ATP5MK: variants seen among roughly 807,000 people sequenced by gnomAD.
The protein encoded by ATP5MK is ATP synthase membrane subunit k, also known as ATP synthase F(0) complex subunit k, mitochondrial.
ATP5MK carries 5 observed loss-of-function variants against 6.6 expected under a neutral mutation model. The observed-to-expected ratio is 0.76, with a 90% CI of 0.40 to 1.60. The LOEUF (loss-of-function observed/expected upper bound fraction) is 1.60. Ranked by LOEUF, ATP5MK falls within the 40% of genes most tolerant of loss-of-function variation. ATP5MK has a pLI of 0.02. For missense variants in ATP5MK, 57 were observed against 66.6 expected (o/e 0.86, Z 0.50); for synonymous variants, 30 against 24.5 (o/e 1.22, Z -0.66).
chr10:103,392,134 G>GA (rs1592100464), intron 4 of ATP5MK, 57 bp downstream of exon 4: 2 of 1,476,704 alleles, frequency 1.4e-6, no homozygotes, highest in East Asian at 4.5e-5. Context: ...AAATGTTAGG[G>GA]AAAAATCCTA....
At chr10:103,394,184 C>T (rs989294589) in intron 2 of ATP5MK, 8 of 417,364 alleles carry the variant, frequency 1.9e-5, no homozygotes, top group Non-Finnish European at 3.7e-5. Context: ...GCAAAGGCAG[C>T]TTAATCTATA....
chr10:103,392,365 A>G lies in ATP5MK; in HGVS notation c.87+6T>C. On this transcript the variant is annotated splice_donor_region_variant and intron_variant, in intron 3 of 4. Transcript: ENST00000369815. ...AATATAACTGCTTAAAGTTATCAAT[A>G]CTTACGTTCATTCTACCTGTGAGAG... The G allele has an allele frequency of 1.9e-6, 3 of 1,597,206 alleles. No homozygotes were observed. Among genetic ancestry groups the G allele is most frequent in the Non-Finnish European group, 2.6e-6 (3 of 1,172,604 alleles).
intron 2 of ATP5MK, among the ~76,000 whole-genome samples, chr10:103,394,721 A>T (rs2133651833): frequency 6.6e-6 from 1 of 151,582 alleles, no homozygotes; most frequent in East Asian, 1.9e-4. Flanking sequence ...ACTTTACTAA[A>T]CTTACTAAAG....
At chr10:103,394,711 A>T (rs553857150) in intron 2 of ATP5MK, among the ~76,000 whole-genome samples, 316 of 151,622 alleles carry the variant, frequency 2.1e-3, no homozygotes, top group Non-Finnish European at 3.8e-3. Context: ...CAACTGTTCC[A>T]CTTTACTAAA....
chr10:103,395,432 G>C (rs2093429566), intron 2 of ATP5MK, among the ~76,000 whole-genome samples: 1 of 152,184 alleles, frequency 6.6e-6, no homozygotes, highest in Non-Finnish European at 1.5e-5. Flanking sequence ...CGAGTAGCTG[G>C]AACTACAGGC....
At chr10:103,394,285 A>G (rs762403381) in intron 2 of ATP5MK, 8 of 533,958 alleles carry the variant, frequency 1.5e-5, no homozygotes, top group Non-Finnish European at 3.9e-6. Context: ...ATTCGTATGC[A>G]TGACCGCCTA....
chr10:103,389,245 T>C (rs1311599604), intron 4 of ATP5MK, 79 bp from the exon 5 acceptor site: 3 of 152,206 alleles, frequency 2.0e-5, no homozygotes, highest in Non-Finnish European at 1.5e-5. Flanking sequence ...TAAGGTAACA[T>C]GAACCCACTG....
chr10:103,392,285 T>A lies in ATP5MK; in HGVS notation c.88-2A>T. On this transcript the variant is annotated splice_acceptor_variant, in intron 3 of 4. Transcript: ENST00000369815. LOFTEE classifies it high-confidence loss of function. ...GCTTCCATATGTGGCCAGTACACAC[T>A]GAGAAAGAAAGAAAAAAGTAAACAA... The A allele has an allele frequency of 7.5e-6, 12 of 1,606,196 alleles. No homozygotes were observed. The highest frequency in any genetic ancestry group is 1.0e-5 in the Non-Finnish European group (12 of 1,178,034).
chr10:103,389,450 G>A (rs976015109), intron 4 of ATP5MK, among the ~76,000 whole-genome samples: 29 of 151,918 alleles, frequency 1.9e-4, no homozygotes, highest in Admixed American at 1.7e-3. Flanking sequence ...AGCCTCCCAA[G>A]TAGCTGGGAT....
At chr10:103,390,416 C>G (rs1399975060) in intron 4 of ATP5MK, among the ~76,000 whole-genome samples, 2 of 151,842 alleles carry the variant, frequency 1.3e-5, no homozygotes, top group Non-Finnish European at 2.9e-5. Flanking sequence ...GTCACTTGAG[C>G]CCGGGAAGCA....
intron 4 of ATP5MK, among the ~76,000 whole-genome samples, chr10:103,390,828 T>G (rs1196338581): frequency 6.6e-6 from 1 of 150,896 alleles, no homozygotes; most frequent in Non-Finnish European, 1.5e-5. Flanking sequence ...CTACATCAGA[T>G]GAAGATCTGG....
rs558622988 is a variant in ATP5MK at position 103,392,856 on chromosome 10, G to T, written c.-9-390C>A. 1.2e-3 allele frequency among the ~76,000 whole-genome samples: 185 copies of T among 152,164 alleles called. 1 individual carries two copies. The highest frequency in any genetic ancestry group is 2.1e-3 in the Non-Finnish European group (142 of 68,008). On this transcript the variant is annotated intron_variant, in intron 2 of 4. Coordinates refer to ENST00000369815, the MANE Select transcript of ATP5MK (RefSeq NM_001206427.2). ...AGCTGGTATTTTTCAAACATTCAAC[G>T]GGTGACCATCAACTAAACAGCTCAA...
At chr10:103,393,504 T>G (rs2093420633) in intron 2 of ATP5MK, among the ~76,000 whole-genome samples, 3 of 150,266 alleles carry the variant, frequency 2.0e-5, no homozygotes, top group Admixed American at 1.3e-4. Flanking sequence ...GGCATGAACC[T>G]GGGAGGCGGA....
chr10:103,389,734 C>CT (rs1210749814), intron 4 of ATP5MK, among the ~76,000 whole-genome samples: 30 of 148,958 alleles, frequency 2.0e-4, no homozygotes, highest in Non-Finnish European at 3.4e-4. Context: ...AAAGTAACAT[C>CT]TTTTTTTTTT....
rs144686863 is a variant in ATP5MK at position 103,392,445 on chromosome 10, C to G, written c.13G>C (p.Glu5Gln). The G allele has an allele frequency of 2.5e-5, 40 of 1,598,694 alleles. No homozygotes were observed. In the African/African-American group the frequency reaches 5.1e-4, roughly 21 times the overall value. The part of the protein sequence containing the change: MAGP[E>Q]SDAQYQFTGI... ...GTGAACTGGTATTGCGCATCACTTT[C>G]TGGACCTGCCATGATTTCAATCTTT... Residue 5 changes from glutamate (E) to glutamine (Q), a missense_variant, in exon 3 of 5, where the codon GAA (glutamate) becomes CAA (glutamine). By Grantham distance (29) the Glu-to-Gln change is conservative. Coordinates refer to ENST00000369815, the MANE Select transcript of ATP5MK (RefSeq NM_001206427.2).
In ATP5MK at chr10:103,395,934, G is replaced by C. The variant is rs537445547; in HGVS notation, c.-198C>G. Reference sequence around the variant, plus strand: ...TACAGCGGGCCTGGCGAACTGTAGGGGCCGGGCCACATTCACTCGCTTTGA... The same window carrying C: ...TACAGCGGGCCTGGCGAACTGTAGGCGCCGGGCCACATTCACTCGCTTTGA... On this transcript the variant is annotated 5_prime_UTR_variant, in exon 2 of 5. Coordinates refer to ENST00000369815, the MANE Select transcript of ATP5MK (RefSeq NM_001206427.2). The C allele has an allele frequency of 6.6e-6, 1 of 152,298 alleles. No individual in the cohort carries two copies. Among genetic ancestry groups the C allele is most frequent in the African/African-American group, 2.4e-5 (1 of 41,554 alleles). 9.4% of individuals were successfully genotyped at this position (152,298 alleles called of 1,614,324 possible).
rs889902380 is a variant in ATP5MK at position 103,396,465 on chromosome 10, G to T, written c.-353C>A. On this transcript the variant is annotated 5_prime_UTR_variant, in exon 1 of 5. Coordinates refer to ENST00000369815, the MANE Select transcript of ATP5MK (RefSeq NM_001206427.2). ...CCTTCAACGAATGTAACCACCTCTC[G>T]GCCCGGCCGGAAGAAGCCACCTCCC... 1 of 152,294 alleles carries T rather than the reference G, an allele frequency of 6.6e-6. No individual in the cohort carries two copies. Among genetic ancestry groups the T allele is most frequent in the Non-Finnish European group, 1.5e-5 (1 of 68,162 alleles). 9.4% of individuals were successfully genotyped at this position (152,294 alleles called of 1,614,324 possible). A position where few individuals can be genotyped will look rare whatever the true frequency, so the allele number is the denominator to read the frequency against.
chr10:103,396,189 A>C (rs1407613838), intron 1 of ATP5MK, 157 bp from the exon 2 acceptor site: 1 of 152,254 alleles, frequency 6.6e-6, no homozygotes, highest in Non-Finnish European at 1.5e-5. Flanking sequence ...GGGTCTTCGG[A>C]AACTGTGGGA....
intron 2 of ATP5MK, chr10:103,394,405 TGGAAGAG>T: frequency 2.0e-6 from 1 of 506,944 alleles, no homozygotes; most frequent in Non-Finnish European, 4.2e-6. Flanking sequence ...CTTGATGAAA[TGGAAGAG>T]GGAGATATCT....
Sources: gnomAD v4.1 joint callset for allele counts (sites outside exome capture counted in the v4.1 genomes callset) on GRCh38, gnomAD v4.1.1 for gene constraint, MANE v1.5 for transcripts, NCBI Gene and HGNC (gene_info 2026-07-23, HGNC 2026-07-21) for gene names.